The following ASAP1 variants were observed in gnomAD, a reference collection of about 807,000 sequenced individuals.
ASAP1 encodes arf-GAP with SH3 domain, ANK repeat and PH domain-containing protein 1.
A neutral mutation model predicts 145.2 loss-of-function variants in ASAP1; 43 were observed. That is an observed-to-expected ratio of 0.30 (90% CI 0.23 to 0.38). The LOEUF (loss-of-function observed/expected upper bound fraction) is 0.38. Among genes scored for constraint, ASAP1 ranks in the 10% least tolerant of loss-of-function variants. The pLI is 1.00. For missense variants in ASAP1, 1,018 were observed against 1,355.3 expected, an observed-to-expected ratio of 0.75 and a Z score of 3.91; for synonymous variants, 546 against 515.5, an observed-to-expected ratio of 1.06 and a Z score of -0.80.
chr8:130,142,262 T>C (rs1334483461), intron 13 of ASAP1, among the ~76,000 whole-genome samples: 4 of 152,208 alleles, frequency 2.6e-5, no homozygotes, highest in Non-Finnish European at 5.9e-5. Flanking sequence ...TAATCTGATA[T>C]AGCTCGGAGA....
chr8:130,320,053 G>C (rs1436008500), intron 3 of ASAP1, among the ~76,000 whole-genome samples: 1 of 151,880 alleles, frequency 6.6e-6, no homozygotes, highest in Non-Finnish European at 1.5e-5. Flanking sequence ...AATCTTCTTT[G>C]TACTTTTCTG....
chr8:130,214,465 T>C, intron 5 of ASAP1, 91 bp downstream of exon 5: 1 of 1,276,458 alleles, frequency 7.8e-7, no homozygotes, highest in Non-Finnish European at 1.0e-6. Context: ...GGACCAAGGA[T>C]TGAGGGGGAA....
At chr8:130,440,115 C>G (rs1358265211) in intron 1 of ASAP1, among the ~76,000 whole-genome samples, 4 of 152,110 alleles carry the variant, frequency 2.6e-5, no homozygotes, top group Admixed American at 6.5e-5. Flanking sequence ...TCTAAGTAGG[C>G]TCCTCCCACT....
intron 11 of ASAP1, among the ~76,000 whole-genome samples, chr8:130,166,435 C>T (rs1014135555): frequency 2.6e-5 from 4 of 152,168 alleles, no homozygotes; most frequent in East Asian, 1.9e-4. Context: ...CAAGGTCCTC[C>T]GTAGTCAGGT....
At chr8:130,356,718 G>A (rs1214402066) in intron 3 of ASAP1, among the ~76,000 whole-genome samples, 1 of 152,110 alleles carries the variant, frequency 6.6e-6, no homozygotes, top group Non-Finnish European at 1.5e-5. Context: ...GGCCAGATGG[G>A]ACCCAGCACT....
chr8:130,128,650 C>T (rs759056120), intron 15 of ASAP1, among the ~76,000 whole-genome samples: 12 of 152,128 alleles, frequency 7.9e-5, no homozygotes, highest in Non-Finnish European at 1.6e-4. Context: ...AACATGATGA[C>T]ATTTATAATA....
At chr8:130,218,702 T>G (rs1353379225) in intron 4 of ASAP1, among the ~76,000 whole-genome samples, 1 of 152,148 alleles carries the variant, frequency 6.6e-6, no homozygotes, top group South Asian at 2.1e-4. Flanking sequence ...CCCCCACTAG[T>G]TCTGCAAGGG....
Position 130,116,907 on chromosome 8 carries a change from G to C in ASAP1, c.1969C>G (p.Leu657Val). 1 of 1,613,972 alleles carries C rather than the reference G, an allele frequency of 6.2e-7. No homozygotes were observed. Among genetic ancestry groups the C allele is most frequent in the Non-Finnish European group, 8.5e-7 (1 of 1,179,914 alleles). ...ATATCCACAGTGGGCTTGCTCCTGA[G>C]CAAAAGCTTCAAACACTCAGGTTTA... ...YSKPECLKLL[L>V]RSKPTVDIVN... Residue 657 changes from leucine (L) to valine (V), a missense_variant, in exon 21 of 30, where the codon CTC (leucine) becomes GTC (valine). By Grantham distance (32) the Leu-to-Val change is conservative. This residue lies in a region of ASAP1 where 353 missense variants were observed against 375.4 expected (regional missense o/e 0.94). Transcript: ENST00000518721.
intron 18 of ASAP1, among the ~76,000 whole-genome samples, chr8:130,120,478 G>A (rs929305661): frequency 6.6e-6 from 1 of 152,200 alleles, no homozygotes; most frequent in African/African-American, 2.4e-5. Flanking sequence ...TATGGGTAAG[G>A]AACAAAGAGG....
chr8:130,271,308 C>A (rs1820572003), intron 3 of ASAP1, among the ~76,000 whole-genome samples: 1 of 152,198 alleles, frequency 6.6e-6, no homozygotes, highest in Non-Finnish European at 1.5e-5. Flanking sequence ...TTCAACCTCA[C>A]TCTACCCTTT....
At chr8:130,293,634 C>A (rs565855797) in intron 3 of ASAP1, among the ~76,000 whole-genome samples, 5 of 151,930 alleles carry the variant, frequency 3.3e-5, no homozygotes, top group Non-Finnish European at 7.4e-5. Flanking sequence ...GGAGGGATTT[C>A]CAAATCAGCT....
At chr8:130,167,427 T>C (rs1268662355) in intron 11 of ASAP1, 109 bp downstream of exon 11, 1 of 893,238 alleles carries the variant, frequency 1.1e-6, no homozygotes, top group Admixed American at 1.7e-5. Context: ...GGTACATACT[T>C]GCATATTATA....
chr8:130,059,113 T>G (rs1482659690), intron 28 of ASAP1, among the ~76,000 whole-genome samples: 2 of 151,822 alleles, frequency 1.3e-5, no homozygotes, highest in African/African-American at 4.8e-5. Flanking sequence ...GGAAGATGGG[T>G]TTTATTTTTC....
At chr8:130,408,446 C>A (rs1444505162) in intron 1 of ASAP1, among the ~76,000 whole-genome samples, 1 of 152,036 alleles carries the variant, frequency 6.6e-6, no homozygotes, top group Admixed American at 6.6e-5. Context: ...TGGACACTGG[C>A]GCTCCTGGTT....
At chr8:130,080,062 C>T (rs2097475545) in intron 25 of ASAP1, 91 bp from the exon 26 acceptor site, 1 of 1,190,082 alleles carries the variant, frequency 8.4e-7, no homozygotes, top group Non-Finnish European at 1.2e-6. Flanking sequence ...AGGCATTGCT[C>T]AGGTTCCAGA....
chr8:130,358,867 C>T lies in ASAP1; in HGVS notation c.60-724G>A, dbSNP rs914488382. ...CCGAGTCCCTGGTTCGCCCCCGGAG[C>T]GGTTACTTCAGCGAGCTCGTTGCGC... On this transcript the variant is annotated intron_variant, in intron 2 of 29. Transcript: ENST00000518721. The surrounding 1 kb of genome is among the most constrained non-coding windows in gnomAD (Gnocchi z 4.1). 3.3e-5 allele frequency among the ~76,000 whole-genome samples: 5 copies of T among 151,930 alleles called. No homozygotes were observed. The highest frequency in any genetic ancestry group is 1.2e-4 in the African/African-American group (5 of 41,390).
chr8:130,373,849 G>GAA lies in ASAP1; in HGVS notation c.60-15708_60-15707dup, dbSNP rs1170269915. Among the ~76,000 whole-genome samples, 165 of 50,766 alleles carry GAA rather than the reference G, an allele frequency of 3.3e-3. 3 individuals carry two copies. The highest frequency in any genetic ancestry group is 5.6e-3 in the African/African-American group (90 of 16,070). 33.3% of individuals were successfully genotyped at this position (50,766 alleles called of 152,430 possible). A position where few individuals can be genotyped will look rare whatever the true frequency, so the allele number is the denominator to read the frequency against. ...GTGACAGAGTGAGATGGAGTCTCCA[G>GAA]AAAAAAAAAAAAAAAAAAAAAAGAT... is the stretch of plus-strand genomic sequence containing the variant. On this transcript the variant is annotated intron_variant, in intron 2 of 29. Transcript: ENST00000518721.
At chr8:130,344,445 C>T (rs1825580178) in intron 3 of ASAP1, among the ~76,000 whole-genome samples, 1 of 151,726 alleles carries the variant, frequency 6.6e-6, no homozygotes, top group South Asian at 2.1e-4. Context: ...AAATGAAATA[C>T]CTGATATTGC....
intron 13 of ASAP1, among the ~76,000 whole-genome samples, chr8:130,144,001 A>G (rs1376361367): frequency 2.6e-5 from 4 of 152,220 alleles, no homozygotes; most frequent in African/African-American, 9.7e-5. Flanking sequence ...TGACGCGTGG[A>G]AAGAGGTAAA....
Sources: allele counts gnomAD v4.1 joint callset (sites outside exome capture counted in the v4.1 genomes callset), GRCh38; gene constraint gnomAD v4.1.1; regional missense constraint gnomAD v4.1.1; non-coding constraint Gnocchi (gnomAD v3.1); transcripts MANE v1.5; gene names NCBI Gene and HGNC (gene_info 2026-07-23, HGNC 2026-07-21).